MORC3: variants seen among roughly 807,000 people sequenced by gnomAD.
The protein encoded by MORC3 is MORC family CW-type zinc finger 3.
A neutral mutation model predicts 109.1 loss-of-function variants in MORC3; 31 were observed. That is an observed-to-expected ratio of 0.28 (90% CI 0.21 to 0.38). The LOEUF (loss-of-function observed/expected upper bound fraction) is 0.38. Among genes scored for constraint, MORC3 ranks in the 10% least tolerant of loss-of-function variants. The pLI is 1.00. For missense variants in MORC3, 867 were observed against 1,135.8 expected, an observed-to-expected ratio of 0.76 and a Z score of 3.40; for synonymous variants, 395 against 380.7, an observed-to-expected ratio of 1.04 and a Z score of -0.44.
chr21:36,375,383 G>C lies in MORC3; in HGVS notation c.*87G>C, dbSNP rs1407606142. 1.6e-6 allele frequency: 2 copies of C among 1,226,550 alleles called. No individual in the cohort carries two copies. The highest frequency in any genetic ancestry group is 2.2e-6 in the Non-Finnish European group (2 of 892,378). The allele number at this position is 1,226,550 out of a possible 1,614,324, so 76.0% of individuals were successfully genotyped here. A position where few individuals can be genotyped will look rare whatever the true frequency, so the allele number is the denominator to read the frequency against. ...ATAATTAATTTTGTTTTATAGATAT[G>C]ATAGGCAACAGACTGAAAACCATAA... On this transcript the variant is annotated 3_prime_UTR_variant, in exon 17 of 17. Transcript: ENST00000400485.
intron 1 of MORC3, among the ~76,000 whole-genome samples, chr21:36,331,454 T>A (rs148751405): frequency 1.3e-5 from 2 of 151,726 alleles, no homozygotes; most frequent in African/African-American, 2.4e-5. Flanking sequence ...AAAAATTAGC[T>A]GGGCATGGTG....
In MORC3 at chr21:36,375,792, T is replaced by C. The variant is rs1319979142; in HGVS notation, c.*496T>C. Reference sequence around the variant, plus strand: ...TGATACAACTCTGGTTATAAGTGAATTGAGCATTAATGTTTCTTTTGTATA... The same window carrying C: ...TGATACAACTCTGGTTATAAGTGAACTGAGCATTAATGTTTCTTTTGTATA... On this transcript the variant is annotated 3_prime_UTR_variant, in exon 17 of 17. Coordinates refer to ENST00000400485, the MANE Select transcript of MORC3 (RefSeq NM_015358.3). 6.5e-6 allele frequency: 1 copy of C among 152,710 alleles called. No homozygotes were observed. The highest frequency in any genetic ancestry group is 1.5e-5 in the Non-Finnish European group (1 of 68,070). 9.5% of individuals were successfully genotyped at this position (152,710 alleles called of 1,614,324 possible).
Position 36,375,387 on chromosome 21 carries a change from G to A in MORC3, c.*91G>A, listed in dbSNP as rs2085918883. ...TTAATTTTGTTTTATAGATATGATA[G>A]GCAACAGACTGAAAACCATAATCTT... On this transcript the variant is annotated 3_prime_UTR_variant, in exon 17 of 17. Coordinates refer to ENST00000400485, the MANE Select transcript of MORC3 (RefSeq NM_015358.3). 8.5e-7 allele frequency: 1 copy of A among 1,174,098 alleles called. No homozygotes were observed. The highest frequency in any genetic ancestry group is 1.6e-5 in the South Asian group (1 of 63,538). 72.7% of individuals were successfully genotyped at this position (1,174,098 alleles called of 1,614,324 possible).
Position 36,369,862 on chromosome 21 carries a change from C to T in MORC3, c.2494C>T (p.Gln832Ter). The T allele has an allele frequency of 6.2e-7, 1 of 1,611,746 alleles. No homozygotes were observed. The highest frequency in any genetic ancestry group is 8.5e-7 in the Non-Finnish European group (1 of 1,179,956). The stretch of plus-strand genomic sequence containing the variant: ...GGACAAATGCAGTATTGAGAGGGAC[C>T]AGTATAAAAGTGAGGTGAGTTATAT... ...QLDKCSIERD[Q>*]YKSEVELLEM... The change falls in exon 15 of 17, where the codon CAG becomes TAG. Residue 832 changes from glutamine (Q) to a stop codon, truncating the protein, a stop_gained. Transcript: ENST00000400485. LOFTEE classifies it high-confidence loss of function.
intron 15 of MORC3, among the ~76,000 whole-genome samples, chr21:36,370,640 T>TATA (rs1491512258): frequency 6.1e-5 from 2 of 33,000 alleles, no homozygotes; most frequent in African/African-American, 2.2e-4. Flanking sequence ...TATATATATA[T>TATA]TTTTTTTTTT....
chr21:36,334,607 G>GT (rs962247320), intron 2 of MORC3, among the ~76,000 whole-genome samples: 1 of 152,068 alleles, frequency 6.6e-6, no homozygotes, highest in Non-Finnish European at 1.5e-5. Context: ...GCAGAATTAT[G>GT]TTTATTAGTA....
Position 36,338,777 on chromosome 21 carries a change from A to G in MORC3, c.464A>G (p.Gln155Arg), listed in dbSNP as rs1479350999. The change falls in exon 5 of 17, where the codon CAG (glutamine) becomes CGG (arginine). Residue 155 changes from glutamine to arginine, a missense_variant. Physicochemically the swap from Gln to Arg is conservative, Grantham distance 43 (BLOSUM62 1). This residue lies in a region of MORC3 where 134 missense variants were observed against 166.6 expected (regional missense o/e 0.80). Transcript: ENST00000400485. ...VPIVAFNKHR[Q>R]MINLAESKAS... ...GAGTCTTTAACTTATGATATACGAC[A>G]GATGATTAATTTAGCAGAATCAAAA... is the stretch of plus-strand genomic sequence containing the variant. 1.2e-6 allele frequency: 2 copies of G among 1,612,926 alleles called. No homozygotes were observed. Among genetic ancestry groups the G allele is most frequent in the Non-Finnish European group, 1.7e-6 (2 of 1,179,024 alleles).
chr21:36,333,776 TTTGTTTTGTTTTG>T lies in MORC3; in HGVS notation c.112+61_112+73del, dbSNP rs1438491505. ...TGCTTACAATTGTAGTGTTTTTTTTTTTGTTTTGTTTTGTTTTTTTTTTTTAAACAGAGTCTCT... is the reference window on the plus strand; with the variant it reads ...TGCTTACAATTGTAGTGTTTTTTTTTTTTTTTTTTTTTAAACAGAGTCTCT... On this transcript the variant is annotated intron_variant, in intron 2 of 16. Coordinates refer to ENST00000400485, the MANE Select transcript of MORC3 (RefSeq NM_015358.3). 369 of 1,312,878 alleles carry T rather than the reference TTTGTTTTGTTTTG, an allele frequency of 2.8e-4. No homozygotes were observed. In the African/African-American group the frequency reaches 5.1e-3, roughly 18 times the overall value. 81.3% of individuals were successfully genotyped at this position (1,312,878 alleles called of 1,614,324 possible).
chr21:36,340,036 T>C (rs2085422861), intron 5 of MORC3, among the ~76,000 whole-genome samples: 1 of 152,114 alleles, frequency 6.6e-6, no homozygotes, highest in East Asian at 1.9e-4. Context: ...CCCAGCACTT[T>C]GGGAGGCTGA....
intron 15 of MORC3, among the ~76,000 whole-genome samples, chr21:36,370,687 A>G (rs2085854910): frequency 2.1e-5 from 2 of 96,344 alleles, no homozygotes; most frequent in Admixed American, 3.0e-4. Flanking sequence ...TCTTCTTGAG[A>G]CAGAATTTCG....
At chr21:36,321,709 C>T (rs1205777261) in intron 1 of MORC3, among the ~76,000 whole-genome samples, 1 of 152,060 alleles carries the variant, frequency 6.6e-6, no homozygotes, top group Non-Finnish European at 1.5e-5. Flanking sequence ...CCCTCTCTTT[C>T]CCCTATCTCC....
rs1345166761 is a variant in MORC3 at position 36,335,865 on chromosome 21, C to T, written c.113-1009C>T. On this transcript the variant is annotated intron_variant, in intron 2 of 16. Transcript: ENST00000400485. ...CATTTATTTATTGATTATTGTGTAC[C>T]TTCCATTGACACTCAGATCTCTTTC... 4.6e-5 allele frequency among the ~76,000 whole-genome samples: 7 copies of T among 152,014 alleles called. No individual in the cohort carries two copies. The East Asian group carries it at 1.4e-3, about 29-fold the overall frequency.
intron 2 of MORC3, 124 bp downstream of exon 2, chr21:36,333,842 G>T (rs1169756243): frequency 1.3e-6 from 1 of 750,820 alleles, no homozygotes; most frequent in Non-Finnish European, 2.1e-6. Context: ...GAGTGCAGTG[G>T]CGCAGTCTCG....
Position 36,320,297 on chromosome 21 carries a change from C to A in MORC3, c.33C>A (p.Leu11=), listed in dbSNP as rs894607441. ...CGCAGCCACCCCGCGGGATACGCCT[C>A]AGCGCGGTGAGCAGCCGCGAGGGGT... MAAQPPRGIR[L]SALCPKFLHT... Residue 11 remains leucine (L), a synonymous_variant, in exon 1 of 17, where the codon CTC becomes CTA. Coordinates refer to ENST00000400485, the MANE Select transcript of MORC3 (RefSeq NM_015358.3). The A allele has an allele frequency of 5.1e-6, 8 of 1,561,784 alleles. No homozygotes were observed. The highest frequency in any genetic ancestry group is 6.9e-6 in the Non-Finnish European group (8 of 1,155,070).
At chr21:36,332,715 G>A (rs2085330008) in intron 1 of MORC3, among the ~76,000 whole-genome samples, 1 of 149,802 alleles carries the variant, frequency 6.7e-6, no homozygotes, top group African/African-American at 2.4e-5. Context: ...TTAGGTTGTA[G>A]TTCCTTATGT....
intron 15 of MORC3, among the ~76,000 whole-genome samples, chr21:36,370,322 A>G (rs938742425): frequency 6.6e-6 from 1 of 152,148 alleles, no homozygotes; most frequent in Non-Finnish European, 1.5e-5. Flanking sequence ...TCCTGGAGGC[A>G]TATGGAATTG....
rs1043741948 is a variant in MORC3, at chr21:36,375,002, C to G, written c.2667-141C>G. On this transcript the variant is annotated intron_variant, in intron 16 of 16. Transcript: ENST00000400485. ...GTGAATTATTAAAGTAAATTGAGTT[C>G]TCTAGGGGAGGTTTTGCTTTTCCTT... 5.1e-6 allele frequency: 4 copies of G among 786,908 alleles called. No individual in the cohort carries two copies. The African/African-American group carries it at 7.2e-5, about 14-fold the overall frequency. 48.7% of individuals were successfully genotyped at this position (786,908 alleles called of 1,614,324 possible). A position where few individuals can be genotyped will look rare whatever the true frequency, so the allele number is the denominator to read the frequency against.
intron 1 of MORC3, 103 bp downstream of exon 1, chr21:36,320,406 G>A: frequency 4.4e-6 from 5 of 1,137,406 alleles, no homozygotes; most frequent in Non-Finnish European, 4.4e-6. Flanking sequence ...GGCCGACGCG[G>A]CGGCGGGGGC....
At chr21:36,353,777 T>TTTTTTTTTTTG (rs1472481952) in intron 9 of MORC3, among the ~76,000 whole-genome samples, 1 of 144,628 alleles carries the variant, frequency 6.9e-6, no homozygotes, top group Non-Finnish European at 1.5e-5. Context: ...TTTTTTTTTT[T>TTTTTTTTTTTG]AGTAAAGACA....
Sources: allele counts gnomAD v4.1 joint callset (sites outside exome capture counted in the v4.1 genomes callset), GRCh38; gene constraint gnomAD v4.1.1; regional missense constraint gnomAD v4.1.1; transcripts MANE v1.5; gene names NCBI Gene and HGNC (gene_info 2026-07-23, HGNC 2026-07-21).